Variants in SH3RF3 observed in about 807,000 individuals in gnomAD.
The protein encoded by SH3RF3 is E3 ubiquitin-protein ligase SH3RF3.
Under a neutral mutation model 66.3 loss-of-function variants are expected in SH3RF3, and 29 were observed. The ratio of observed to expected loss-of-function variants is 0.44; its 90% confidence interval spans 0.33 to 0.60. The LOEUF (loss-of-function observed/expected upper bound fraction) is 0.60, where lower values mean the gene tolerates loss of function less well. Ranked by LOEUF, SH3RF3 falls within the 20% of genes least tolerant of loss-of-function variation. The probability of loss-of-function intolerance (pLI) is 0.04; values close to 1 mark genes in which losing one functional copy is unlikely to be tolerated. For synonymous variants in SH3RF3, 583 were observed against 532.0 expected (o/e 1.10, Z -1.32); for missense variants, 1,194 against 1,190.9 (o/e 1.00, Z -0.04).
At chr2:109,355,700 G>GT (rs1156263614) in intron 2 of SH3RF3, among the ~76,000 whole-genome samples, 5 of 152,196 alleles carry the variant, frequency 3.3e-5, no homozygotes, top group Non-Finnish European at 7.3e-5. Context: ...GAAACAGTGA[G>GT]TGGAGACCCT....
intron 1 of SH3RF3, among the ~76,000 whole-genome samples, chr2:109,244,276 A>C (rs1205170448): frequency 1.3e-5 from 2 of 152,236 alleles, no homozygotes. Flanking sequence ...ACAACAAAGC[A>C]TTATGCAACA....
chr2:109,447,125 C>T (rs965343139), intron 7 of SH3RF3, among the ~76,000 whole-genome samples: 1 of 141,462 alleles, frequency 7.1e-6, no homozygotes, highest in Non-Finnish European at 1.5e-5. Context: ...AAGTTTCCAA[C>T]CCAGCTGAAG....
chr2:109,142,039 C>T (rs539076956), intron 1 of SH3RF3, among the ~76,000 whole-genome samples: 91 of 116,878 alleles, frequency 7.8e-4, no homozygotes, highest in Non-Finnish European at 1.3e-3. Context: ...GTCCTTGAGT[C>T]TCCTGGGGGG....
At chr2:109,479,666 T>C (rs1298064084) in intron 8 of SH3RF3, among the ~76,000 whole-genome samples, 1 of 152,164 alleles carries the variant, frequency 6.6e-6, no homozygotes, top group African/African-American at 2.4e-5. Flanking sequence ...CCTGCACTTT[T>C]GTCTCCTCAT....
At chr2:109,177,558 G>A (rs997157156) in intron 1 of SH3RF3, among the ~76,000 whole-genome samples, 1 of 151,996 alleles carries the variant, frequency 6.6e-6, no homozygotes, top group Non-Finnish European at 1.5e-5. Context: ...CTGGGGGGGG[G>A]CACCATTCCT....
At chr2:109,262,551 T>A (rs1680382081) in intron 1 of SH3RF3, among the ~76,000 whole-genome samples, 1 of 152,222 alleles carries the variant, frequency 6.6e-6, no homozygotes, top group African/African-American at 2.4e-5. Flanking sequence ...AAGGTTTTCT[T>A]GTTTTATTAT....
At chr2:109,486,391 C>A (rs1678977914) in intron 8 of SH3RF3, among the ~76,000 whole-genome samples, 1 of 152,164 alleles carries the variant, frequency 6.6e-6, no homozygotes, top group South Asian at 2.1e-4. Flanking sequence ...TCTCCCAAGG[C>A]AAGGCAGGTG....
chr2:109,264,077 C>G (rs1680423684), intron 1 of SH3RF3, among the ~76,000 whole-genome samples: 1 of 152,234 alleles, frequency 6.6e-6, no homozygotes, highest in Non-Finnish European at 1.5e-5. Context: ...TCCTCCCTGT[C>G]TTTAAGCTAC....
intron 1 of SH3RF3, among the ~76,000 whole-genome samples, chr2:109,288,345 T>C (rs985547367): frequency 4.6e-5 from 7 of 152,206 alleles, no homozygotes; most frequent in African/African-American, 1.7e-4. Context: ...TAGTTCTTAA[T>C]GTATTAGGGA....
intron 1 of SH3RF3, among the ~76,000 whole-genome samples, chr2:109,247,721 A>G (rs1488916815): frequency 6.6e-6 from 1 of 152,204 alleles, no homozygotes; most frequent in African/African-American, 2.4e-5. Context: ...TCCCTGTATC[A>G]GTTAGGATTT....
chr2:109,490,531 A>G (rs1417862546), intron 8 of SH3RF3, 74 bp from the exon 9 acceptor site: 1 of 1,222,342 alleles, frequency 8.2e-7, no homozygotes, highest in Non-Finnish European at 1.1e-6. Context: ...AGGAAGATGC[A>G]TTCCCCTCTC....
chr2:109,330,303 A>G (rs1267584640), intron 1 of SH3RF3, among the ~76,000 whole-genome samples: 2 of 152,156 alleles, frequency 1.3e-5, no homozygotes, highest in African/African-American at 4.8e-5. Context: ...TTGCGAAACT[A>G]AAGAAAAGGG....
At position 109,432,515 on chromosome 2, in the gene SH3RF3, A is replaced by G; in HGVS notation, c.1418A>G (p.Tyr473Cys). 6.2e-7 allele frequency: 1 copy of G among 1,613,446 alleles called. No individual in the cohort carries two copies. The highest frequency in any genetic ancestry group is 8.5e-7 in the Non-Finnish European group (1 of 1,179,772). Residue 473 changes from tyrosine (Y) to cysteine (C), a missense_variant, in exon 6 of 10, where the codon TAC becomes TGC. Transcript: ENST00000309415. ...QLPLNVYLALYAYKPQKSDEL... is the reference protein window; with the variant it reads ...QLPLNVYLALCAYKPQKSDEL... Reference sequence around the variant, plus strand: ...TTTGCCCGCAGGTACCTGGCGCTCTACGCCTACAAGCCCCAGAAGAGTGAC... The same window carrying G: ...TTTGCCCGCAGGTACCTGGCGCTCTGCGCCTACAAGCCCCAGAAGAGTGAC...
intron 1 of SH3RF3, among the ~76,000 whole-genome samples, chr2:109,254,891 A>C (rs1574532194): frequency 6.6e-6 from 1 of 152,146 alleles, no homozygotes; most frequent in Non-Finnish European, 1.5e-5. Context: ...GCTCAGCGAG[A>C]CAGTACGCTC....
At chr2:109,250,411 G>A (rs767755890) in intron 1 of SH3RF3, among the ~76,000 whole-genome samples, 4 of 151,800 alleles carry the variant, frequency 2.6e-5, no homozygotes, top group East Asian at 1.9e-4. Context: ...ATACAACTTC[G>A]TTTCTTCATG....
chr2:109,297,073 G>T (rs1190499856), intron 1 of SH3RF3, among the ~76,000 whole-genome samples: 4 of 152,154 alleles, frequency 2.6e-5, no homozygotes, highest in Admixed American at 1.3e-4. Context: ...GCAGCTGTTG[G>T]TCCAGGTGGG....
intron 3 of SH3RF3, among the ~76,000 whole-genome samples, chr2:109,378,464 G>A (rs958586532): frequency 2.6e-5 from 4 of 152,222 alleles, no homozygotes; most frequent in Admixed American, 2.0e-4. Flanking sequence ...ACTAGAGGCT[G>A]CATGGGCTTA....
At chr2:109,429,705 C>T (rs538734110) in intron 5 of SH3RF3, among the ~76,000 whole-genome samples, 94 of 152,306 alleles carry the variant, frequency 6.2e-4, no homozygotes, top group African/African-American at 2.2e-3. Flanking sequence ...CCTGAACATG[C>T]GTGACCATGG....
rs959258349 is a variant in SH3RF3 at position 109,267,768 on chromosome 2, C to T, written c.574-79906C>T. 5.3e-5 allele frequency among the ~76,000 whole-genome samples: 8 copies of T among 152,324 alleles called. No homozygotes were observed. The East Asian group carries it at 7.7e-4, about 15-fold the overall frequency. On this transcript the variant is annotated intron_variant, in intron 1 of 9. Transcript: ENST00000309415. ...AAGCATCAGACAGAACACAGTTCTGCGTCTGTCCCTGGAGCGAGGCCGAGT... is the reference window on the plus strand; with the variant it reads ...AAGCATCAGACAGAACACAGTTCTGTGTCTGTCCCTGGAGCGAGGCCGAGT...
Sources: allele counts gnomAD v4.1 joint callset (sites outside exome capture counted in the v4.1 genomes callset), GRCh38; gene constraint gnomAD v4.1.1; transcripts MANE v1.5; gene names NCBI Gene and HGNC (gene_info 2026-07-23, HGNC 2026-07-21).